Variants in NEK7 observed in about 807,000 individuals in gnomAD.
NEK7 encodes the protein NIMA related kinase 7.
A neutral mutation model predicts 44.6 loss-of-function variants in NEK7; 18 were observed. The ratio of observed to expected loss-of-function variants is 0.40; its 90% confidence interval spans 0.28 to 0.60. The LOEUF (loss-of-function observed/expected upper bound fraction) is 0.60, where lower values mean the gene tolerates loss of function less well. NEK7 is among the 20% of genes least tolerant of loss of function. The pLI is 0.38. For missense variants in NEK7, 256 were observed against 366.5 expected, an observed-to-expected ratio of 0.70 and a Z score of 2.46; for synonymous variants, 130 against 121.1, an observed-to-expected ratio of 1.07 and a Z score of -0.48.
chr1:198,259,359 A>G (rs1164842272), intron 3 of NEK7, among the ~76,000 whole-genome samples: 1 of 152,128 alleles, frequency 6.6e-6, no homozygotes, highest in East Asian at 1.9e-4. Context: ...AAATACATAT[A>G]TGTCTCCAAG....
chr1:198,213,537 G>C (rs1259431691), intron 1 of NEK7, among the ~76,000 whole-genome samples: 1 of 152,148 alleles, frequency 6.6e-6, no homozygotes, highest in Non-Finnish European at 1.5e-5. Flanking sequence ...ATCCTCAGAG[G>C]AGGAGCACTC....
At chr1:198,217,963 T>C (rs1051477452) in intron 1 of NEK7, among the ~76,000 whole-genome samples, 16 of 151,882 alleles carry the variant, frequency 1.1e-4, no homozygotes, top group Admixed American at 9.8e-4. Context: ...CATCCCATGC[T>C]CAGGGATTGA....
chr1:198,283,260 C>T (rs1036621120), intron 7 of NEK7, among the ~76,000 whole-genome samples: 1 of 152,092 alleles, frequency 6.6e-6, no homozygotes, highest in Admixed American at 6.6e-5. Flanking sequence ...CAGCCACGAG[C>T]CTCCTTCGTT....
chr1:198,228,266 T>G (rs946348226), intron 1 of NEK7, among the ~76,000 whole-genome samples: 3 of 152,220 alleles, frequency 2.0e-5, no homozygotes, highest in Non-Finnish European at 2.9e-5. Context: ...TTTTGGTTAC[T>G]GTAGCCTTGT....
intron 2 of NEK7, among the ~76,000 whole-genome samples, chr1:198,249,384 A>C (rs1652828575): frequency 6.6e-6 from 1 of 151,986 alleles, no homozygotes; most frequent in Non-Finnish European, 1.5e-5. Context: ...AGCATGATTT[A>C]TAGTCCTTTG....
chr1:198,276,550 C>G (rs1165744279), intron 5 of NEK7, among the ~76,000 whole-genome samples: 1 of 151,660 alleles, frequency 6.6e-6, no homozygotes, highest in Non-Finnish European at 1.5e-5. Context: ...ATTAAAAAGA[C>G]TTAGTATTGA....
intron 1 of NEK7, among the ~76,000 whole-genome samples, chr1:198,212,942 A>C (rs1009057754): frequency 2.0e-5 from 3 of 152,212 alleles, no homozygotes; most frequent in African/African-American, 7.2e-5. Context: ...GAGTCTCTTC[A>C]CTTGCCCAAT....
chr1:198,206,340 G>A (rs968870788), intron 1 of NEK7, among the ~76,000 whole-genome samples: 1 of 152,018 alleles, frequency 6.6e-6, no homozygotes, highest in Admixed American at 6.6e-5. Context: ...TGCTCATTTC[G>A]TTTTTGGGTC....
chr1:198,161,218 T>G (rs566181847), intron 1 of NEK7, among the ~76,000 whole-genome samples: 4 of 152,336 alleles, frequency 2.6e-5, no homozygotes, highest in East Asian at 1.9e-4. Context: ...GTAAATCTTA[T>G]TAGTAGTCTT....
At chr1:198,168,076 T>G (rs1664323103) in intron 1 of NEK7, among the ~76,000 whole-genome samples, 1 of 152,224 alleles carries the variant, frequency 6.6e-6, no homozygotes, top group African/African-American at 2.4e-5. Context: ...TTATGACCAT[T>G]TCCCCTTCTC....
chr1:198,223,425 A>G lies in NEK7; in HGVS notation c.-28-9128A>G, dbSNP rs543181069. ...GTCCTTGATGAAGTGGTAAAAGAGT[A>G]TTATTCTTATCAAATGTCAACTTTT... On this transcript the variant is annotated intron_variant, in intron 1 of 9. Transcript: ENST00000367385. Among the ~76,000 whole-genome samples, 15 of 152,302 alleles carry G rather than the reference A, an allele frequency of 9.8e-5. No individual in the cohort carries two copies. The South Asian group carries it at 2.9e-3, about 29-fold the overall frequency.
At chr1:198,178,503 TGTA>T (rs2102737266) in intron 1 of NEK7, among the ~76,000 whole-genome samples, 2 of 152,180 alleles carry the variant, frequency 1.3e-5, no homozygotes, top group South Asian at 4.1e-4. Context: ...ATAGAAATTC[TGTA>T]GGAGAATTTT....
intron 1 of NEK7, among the ~76,000 whole-genome samples, chr1:198,202,532 T>A (rs1371213799): frequency 6.6e-6 from 1 of 152,156 alleles, no homozygotes; most frequent in African/African-American, 2.4e-5. Context: ...GAAATCACAG[T>A]GGCTACGCTG....
chr1:198,263,340 G>A (rs1349027545), intron 4 of NEK7, among the ~76,000 whole-genome samples: 1 of 151,852 alleles, frequency 6.6e-6, no homozygotes, highest in African/African-American at 2.4e-5. Flanking sequence ...GTTAGTTGTA[G>A]TTATTTCTTG....
At chr1:198,298,019 A>G (rs1339624155) in intron 9 of NEK7, among the ~76,000 whole-genome samples, 3 of 152,106 alleles carry the variant, frequency 2.0e-5, no homozygotes, top group Non-Finnish European at 2.9e-5. Context: ...TCATTTTACG[A>G]ATATTTAAGG....
rs1324750665 is a variant in NEK7 at position 198,180,760 on chromosome 1, A to G, written c.-29+23484A>G. Among the ~76,000 whole-genome samples, 4 of 152,208 alleles carry G rather than the reference A, an allele frequency of 2.6e-5. No individual in the cohort carries two copies. The East Asian group carries it at 7.7e-4, about 29-fold the overall frequency. ...AGGACATTTAATTTTTACTTTGAGA[A>G]AACAAATTCACAGCCTTATTAAATA... On this transcript the variant is annotated intron_variant, in intron 1 of 9. Coordinates refer to ENST00000367385, the MANE Select transcript of NEK7 (RefSeq NM_133494.3).
intron 1 of NEK7, among the ~76,000 whole-genome samples, chr1:198,226,313 G>A (rs1265874392): frequency 6.6e-6 from 1 of 152,076 alleles, no homozygotes; most frequent in Non-Finnish European, 1.5e-5. Context: ...GGGAGGCCAA[G>A]GCGGGTGGAT....
intron 9 of NEK7, among the ~76,000 whole-genome samples, chr1:198,308,970 G>T (rs74338393): frequency 0.023 from 3,519 of 152,200 alleles, 155 homozygotes; most frequent in African/African-American, 0.08. Flanking sequence ...CAGCAAGCCA[G>T]TGAGCACTTA....
intron 9 of NEK7, among the ~76,000 whole-genome samples, chr1:198,307,860 A>G (rs1218504687): frequency 6.6e-6 from 1 of 152,162 alleles, no homozygotes; most frequent in Non-Finnish European, 1.5e-5. Context: ...CATCATGTAT[A>G]TATAGCTGTA....
Sources: allele counts gnomAD v4.1 joint callset (sites outside exome capture counted in the v4.1 genomes callset), GRCh38; gene constraint gnomAD v4.1.1; transcripts MANE v1.5; gene names NCBI Gene and HGNC (gene_info 2026-07-23, HGNC 2026-07-21).